RRN3: variants seen among roughly 807,000 people sequenced by gnomAD.
RRN3 encodes the protein RNA polymerase I-specific transcription initiation factor RRN3.
In RRN3, 38 loss-of-function variants were observed where a neutral mutation model predicts 82.3. That is an observed-to-expected ratio of 0.46 (90% confidence interval 0.36 to 0.61). RRN3 has a LOEUF of 0.61. RRN3 is among the 20% of genes least tolerant of loss of function. The pLI, the probability that RRN3 is intolerant of heterozygous loss-of-function variation, is 0.00. For missense variants in RRN3, 726 were observed against 793.1 expected, an observed-to-expected ratio of 0.92 and a Z score of 1.02; for synonymous variants, 284 against 284.3, an observed-to-expected ratio of 1.00 and a Z score of 0.01.
intron 7 of RRN3, among the ~76,000 whole-genome samples, chr16:15,084,321 A>AG (rs2045828667): frequency 6.6e-6 from 1 of 151,928 alleles, no homozygotes; most frequent in Non-Finnish European, 1.5e-5. Flanking sequence ...ATTTTTATTC[A>AG]TATGGCATGA....
chr16:15,081,590 A>G (rs1308024216), intron 8 of RRN3, among the ~76,000 whole-genome samples: 2 of 152,212 alleles, frequency 1.3e-5, no homozygotes, highest in Non-Finnish European at 2.9e-5. Context: ...ATTACCAGAC[A>G]TAAAATTTAG....
chr16:15,072,096 TCTC>T (rs1289330115), intron 12 of RRN3, among the ~76,000 whole-genome samples: 3 of 151,732 alleles, frequency 2.0e-5, no homozygotes, highest in African/African-American at 4.8e-5. Context: ...ACTTCCAACT[TCTC>T]CTAAATAGCG....
chr16:15,083,999 A>G (rs1262787678), intron 7 of RRN3, among the ~76,000 whole-genome samples: 1 of 152,236 alleles, frequency 6.6e-6, no homozygotes, highest in Non-Finnish European at 1.5e-5. Flanking sequence ...TACAGGCGTG[A>G]GCCACCGCGC....
At chr16:15,079,515 T>C (rs1437622110) in intron 9 of RRN3, among the ~76,000 whole-genome samples, 1 of 152,158 alleles carries the variant, frequency 6.6e-6, no homozygotes, top group Non-Finnish European at 1.5e-5. Context: ...TCTCCAATCA[T>C]GAGAAGGAAC....
At chr16:15,062,898 T>C (rs2044771094) in intron 17 of RRN3, among the ~76,000 whole-genome samples, 1 of 152,246 alleles carries the variant, frequency 6.6e-6, no homozygotes, top group African/African-American at 2.4e-5. Flanking sequence ...GGTCTTGCTC[T>C]GTTGCCCAGG....
chr16:15,091,047 G>A (rs891510068), intron 3 of RRN3, among the ~76,000 whole-genome samples: 1 of 152,136 alleles, frequency 6.6e-6, no homozygotes, highest in Non-Finnish European at 1.5e-5. Flanking sequence ...GCTGTCCTGT[G>A]CACTGTGAGA....
At chr16:15,086,556 G>A (rs1432922577) in intron 3 of RRN3, 102 bp from the exon 4 acceptor site, 10 of 1,523,174 alleles carry the variant, frequency 6.6e-6, no homozygotes, top group Non-Finnish European at 8.0e-6. Flanking sequence ...AGGTTGGGGG[G>A]AAAAGGTCAC....
In RRN3 at chr16:15,060,166, C is replaced by T. The variant is rs1412915391; in HGVS notation, c.*1578G>A. Reference sequence around the variant, plus strand: ...AGACTTATATGTAAATGTCTTTCTACATTAAAACTACTTCCCAACCCACAA... The same window carrying T: ...AGACTTATATGTAAATGTCTTTCTATATTAAAACTACTTCCCAACCCACAA... On this transcript the variant is annotated 3_prime_UTR_variant, in exon 18 of 18. Coordinates refer to ENST00000198767, the MANE Select transcript of RRN3 (RefSeq NM_018427.5). 1.4e-5 allele frequency: 6 copies of T among 424,476 alleles called. No homozygotes were observed. The highest frequency in any genetic ancestry group is 1.0e-4 in the African/African-American group (5 of 48,792). The allele number at this position is 424,476 out of a possible 1,614,324, so 26.3% of individuals were successfully genotyped here.
chr16:15,077,924 C>G (rs780102005), intron 9 of RRN3, among the ~76,000 whole-genome samples: 2 of 152,180 alleles, frequency 1.3e-5, no homozygotes, highest in Non-Finnish European at 2.9e-5. Context: ...AATACAATCT[C>G]TATGCACAAG....
chr16:15,075,007 T>G (rs1011072376), intron 10 of RRN3, 146 bp from the exon 11 acceptor site: 3 of 794,888 alleles, frequency 3.8e-6, no homozygotes, highest in Non-Finnish European at 5.7e-6. Flanking sequence ...CCCAGCACTT[T>G]GGGAAGCAGA....
chr16:15,085,241 G>A (rs2045871069), intron 6 of RRN3, among the ~76,000 whole-genome samples: 1 of 152,064 alleles, frequency 6.6e-6, no homozygotes, highest in Non-Finnish European at 1.5e-5. Context: ...CATATCAATG[G>A]TAAATATAAC....
rs533029581 is a variant in RRN3, at chr16:15,093,909, C to A, written c.89+236G>T. On this transcript the variant is annotated intron_variant, in intron 1 of 17. Transcript: ENST00000198767. Reference sequence around the variant, plus strand: ...CCAGGCCTGGGAAATCACGAAGAGACACAGTCGGGAAAGGGGGCCTCCAGA... The same window carrying A: ...CCAGGCCTGGGAAATCACGAAGAGAAACAGTCGGGAAAGGGGGCCTCCAGA... 600 of 536,984 alleles carry A rather than the reference C, an allele frequency of 1.1e-3. 2 individuals carry two copies. Among genetic ancestry groups the A allele is most frequent in the Non-Finnish European group, 1.6e-3 (495 of 308,318 alleles). 33.3% of individuals were successfully genotyped at this position (536,984 alleles called of 1,614,324 possible). A position where few individuals can be genotyped will look rare whatever the true frequency, so the allele number is the denominator to read the frequency against.
intron 11 of RRN3, among the ~76,000 whole-genome samples, chr16:15,073,395 T>C (rs1438796300): frequency 6.6e-6 from 1 of 152,194 alleles, no homozygotes; most frequent in Non-Finnish European, 1.5e-5. Context: ...AGGTCAAGGC[T>C]GCAGTAAGCC....
In RRN3 at chr16:15,071,265, G is replaced by A. The variant is rs1172587119; in HGVS notation, c.1129-14C>T. 6.3e-6 allele frequency: 10 copies of A among 1,585,798 alleles called. No individual in the cohort carries two copies. In the East Asian group the frequency reaches 2.0e-4, roughly 32 times the overall value. ...CTCTGCGAATCCCTATAAAAAGAGA[G>A]GGCGTCGGTGTGATCTTTTTTAATG... On this transcript the variant is annotated splice_polypyrimidine_tract_variant and intron_variant, in intron 12 of 17. Transcript: ENST00000198767.
At chr16:15,091,553 G>T (rs1366809476) in intron 2 of RRN3, among the ~76,000 whole-genome samples, 182 bp from the exon 3 acceptor site, 2 of 151,534 alleles carry the variant, frequency 1.3e-5, no homozygotes, top group African/African-American at 2.4e-5. Flanking sequence ...AGTGCAGCCA[G>T]AGGGCTTGGA....
At chr16:15,088,634 A>T (rs1377984001) in intron 3 of RRN3, among the ~76,000 whole-genome samples, 2 of 152,132 alleles carry the variant, frequency 1.3e-5, no homozygotes, top group Non-Finnish European at 2.9e-5. Flanking sequence ...CTTTAAAGAG[A>T]AAGTGATGCT....
At chr16:15,074,898 T>C (rs2045386052) in intron 10 of RRN3, 37 bp from the exon 11 acceptor site, 1 of 1,576,710 alleles carries the variant, frequency 6.3e-7, no homozygotes, top group Non-Finnish European at 8.6e-7. Context: ...CATTAAAAAA[T>C]TCAATGTCAA....
At chr16:15,078,244 G>C (rs1328032867) in intron 9 of RRN3, among the ~76,000 whole-genome samples, 1 of 152,164 alleles carries the variant, frequency 6.6e-6, no homozygotes, top group East Asian at 1.9e-4. Context: ...CTGAGACCTT[G>C]TTCCATCTTC....
chr16:15,091,252 A>G (rs1737817503), intron 3 of RRN3, 63 bp downstream of exon 3: 1 of 1,593,280 alleles, frequency 6.3e-7, no homozygotes, highest in Non-Finnish European at 8.6e-7. Flanking sequence ...GGACCCAAAG[A>G]GCAAACTATG....
Sources: gnomAD v4.1 joint callset for allele counts (sites outside exome capture counted in the v4.1 genomes callset) on GRCh38, gnomAD v4.1.1 for gene constraint, MANE v1.5 for transcripts, NCBI Gene and HGNC (gene_info 2026-07-23, HGNC 2026-07-21) for gene names.